Variants in ARHGAP26 observed in about 807,000 individuals in gnomAD.
ARHGAP26 encodes rho GTPase-activating protein 26.
ARHGAP26 carries 38 observed loss-of-function variants against 104.8 expected under a neutral mutation model. The observed-to-expected ratio is 0.36, with a 90% CI of 0.28 to 0.48. The LOEUF (loss-of-function observed/expected upper bound fraction) is 0.48, where lower values mean the gene tolerates loss of function less well. ARHGAP26 is among the 20% of genes least tolerant of loss of function. The pLI is 0.99. For synonymous variants in ARHGAP26, 341 were observed against 340.0 expected, an observed-to-expected ratio of 1.00 and a Z score of -0.03; for missense variants, 704 against 947.9, an observed-to-expected ratio of 0.74 and a Z score of 3.38.
At chr5:142,976,039 A>T (rs904783354) in intron 11 of ARHGAP26, among the ~76,000 whole-genome samples, 1 of 152,222 alleles carries the variant, frequency 6.6e-6, no homozygotes, top group African/African-American at 2.4e-5. Flanking sequence ...ATATTATGCC[A>T]TATGCCCGGC....
Position 142,937,972 on chromosome 5 carries a change from T to C in ARHGAP26, c.1107+5847T>C, listed in dbSNP as rs574228051. On this transcript the variant is annotated intron_variant, in intron 11 of 22. Transcript: ENST00000645722. ...GTGTTTTGATCTTGGTGGTTAGTTA[T>C]ATGAAACCATATTAAAGTAGTTATG... Among the ~76,000 whole-genome samples the C allele has an allele frequency of 5.9e-5, 9 of 152,176 alleles. No individual in the cohort carries two copies. In the East Asian group the frequency reaches 7.7e-4, roughly 13 times the overall value.
chr5:142,966,136 A>T (rs954355739), intron 11 of ARHGAP26, among the ~76,000 whole-genome samples: 1 of 152,064 alleles, frequency 6.6e-6, no homozygotes, highest in Non-Finnish European at 1.5e-5. Context: ...TGACACACAC[A>T]CTTCTCTTTC....
intron 12 of ARHGAP26, among the ~76,000 whole-genome samples, chr5:143,026,751 T>G: frequency 7.5e-6 from 1 of 132,898 alleles, no homozygotes; most frequent in African/African-American, 2.8e-5. Flanking sequence ...TGATGTATGT[T>G]TTTAAAAGAT....
chr5:143,180,901 T>G (rs1219478353), intron 20 of ARHGAP26, among the ~76,000 whole-genome samples: 1 of 152,240 alleles, frequency 6.6e-6, no homozygotes, highest in Admixed American at 6.5e-5. Context: ...GCCAGTTGAC[T>G]GTTACACATG....
intron 1 of ARHGAP26, among the ~76,000 whole-genome samples, chr5:142,867,065 GTGGTTATT>G (rs1296654461): frequency 6.6e-6 from 1 of 152,188 alleles, no homozygotes; most frequent in Non-Finnish European, 1.5e-5. Context: ...ACATTTCTAG[GTGGTTATT>G]TGTTCCTCAG....
chr5:142,784,284 T>G (rs946473215), intron 1 of ARHGAP26, among the ~76,000 whole-genome samples: 1 of 152,226 alleles, frequency 6.6e-6, no homozygotes, highest in African/African-American at 2.4e-5. Context: ...AACTGATAGC[T>G]TTTGGCCTCT....
intron 17 of ARHGAP26, among the ~76,000 whole-genome samples, chr5:143,070,313 C>T (rs1176683626): frequency 2.6e-5 from 4 of 152,186 alleles, no homozygotes; most frequent in Non-Finnish European, 5.9e-5. Flanking sequence ...AGGTCATTCT[C>T]CCCAGCCCTA....
intron 20 of ARHGAP26, among the ~76,000 whole-genome samples, chr5:143,162,298 C>CACACA (rs1801351401): frequency 1.1e-5 from 1 of 93,820 alleles, no homozygotes; most frequent in African/African-American, 2.9e-5. Flanking sequence ...CACACACACA[C>CACACA]ACACACACAC....
intron 1 of ARHGAP26, chr5:142,868,008 G>C (rs1754627719): frequency 6.6e-6 from 1 of 152,202 alleles, no homozygotes; most frequent in Non-Finnish European, 1.5e-5. Flanking sequence ...TTTGGGGATA[G>C]AGTGGTGAGC....
At chr5:143,137,342 A>G (rs1798018108) in intron 19 of ARHGAP26, among the ~76,000 whole-genome samples, 1 of 152,118 alleles carries the variant, frequency 6.6e-6, no homozygotes, top group Non-Finnish European at 1.5e-5. Flanking sequence ...CCTCCACTCA[A>G]CTAGAATTGG....
chr5:142,976,475 C>T (rs1773106282), intron 11 of ARHGAP26, among the ~76,000 whole-genome samples: 1 of 152,162 alleles, frequency 6.6e-6, no homozygotes, highest in Admixed American at 6.5e-5. Context: ...CTCTGAAATG[C>T]TAGGACATTT....
intron 21 of ARHGAP26, among the ~76,000 whole-genome samples, chr5:143,210,242 A>G (rs1809238939): frequency 6.6e-6 from 1 of 152,164 alleles, no homozygotes. Context: ...CACGTCTTTC[A>G]TGGATGGCGG....
At chr5:143,202,632 A>G (rs1807938541) in intron 20 of ARHGAP26, 1 of 152,152 alleles carries the variant, frequency 6.6e-6, no homozygotes, top group Non-Finnish European at 1.5e-5. Context: ...AATCCTAAGC[A>G]AAAAAACAAA....
chr5:142,945,112 A>G (rs1193333130), intron 11 of ARHGAP26, among the ~76,000 whole-genome samples: 1 of 152,124 alleles, frequency 6.6e-6, no homozygotes, highest in African/African-American at 2.4e-5. Context: ...TATTTCCCCC[A>G]GTGCTACCAA....
At chr5:142,990,148 C>T (rs866297812) in intron 11 of ARHGAP26, among the ~76,000 whole-genome samples, 64 of 152,204 alleles carry the variant, frequency 4.2e-4, no homozygotes, top group South Asian at 1.2e-3. Flanking sequence ...AGGATTTGTT[C>T]GTTTCTTTTT....
chr5:143,146,974 T>C (rs1003585248), intron 19 of ARHGAP26, among the ~76,000 whole-genome samples: 2 of 152,098 alleles, frequency 1.3e-5, no homozygotes, highest in African/African-American at 4.8e-5. Context: ...TTAGAAAAAA[T>C]CCTGGCTTAT....
chr5:142,770,803 T>TA lies in ARHGAP26; in HGVS notation c.43dup (p.Ser15LysfsTer52). 1 of 1,599,544 alleles carries TA rather than the reference T, an allele frequency of 6.3e-7. No homozygotes were observed. The highest frequency in any genetic ancestry group is 8.5e-7 in the Non-Finnish European group (1 of 1,172,926). The stretch of plus-strand genomic sequence containing the variant: ...TCGAGTTCAGCGACTGCTGCCTCGA[T>TA]AGTCCGCACTTCCGAGAGACGCTCA... On this transcript the variant is annotated frameshift_variant, in exon 1 of 23. Transcript: ENST00000645722. LOFTEE classifies it high-confidence loss of function.
At chr5:142,788,479 A>G (rs911633755) in intron 1 of ARHGAP26, among the ~76,000 whole-genome samples, 4 of 152,234 alleles carry the variant, frequency 2.6e-5, no homozygotes, top group African/African-American at 9.6e-5. Flanking sequence ...TTTGAACCAT[A>G]CTAATAGTAC....
intron 17 of ARHGAP26, among the ~76,000 whole-genome samples, chr5:143,090,301 C>T (rs1339148764): frequency 6.6e-6 from 1 of 152,224 alleles, no homozygotes; most frequent in Non-Finnish European, 1.5e-5. Flanking sequence ...ACAGTCTGGG[C>T]CTCTGGCCTG....
Sources: allele counts gnomAD v4.1 joint callset (sites outside exome capture counted in the v4.1 genomes callset), GRCh38; gene constraint gnomAD v4.1.1; transcripts MANE v1.5; gene names NCBI Gene and HGNC (gene_info 2026-07-23, HGNC 2026-07-21).